The following DCC variants were observed in gnomAD, a reference collection of about 807,000 sequenced individuals.
DCC encodes netrin receptor DCC.
DCC carries 58 observed loss-of-function variants against 172.5 expected under a neutral mutation model. That is an observed-to-expected ratio of 0.34 (90% CI 0.27 to 0.42). The LOEUF (loss-of-function observed/expected upper bound fraction) is 0.42. Ranked by LOEUF, DCC falls within the 10% of genes least tolerant of loss-of-function variation. The pLI is 1.00. For synonymous variants in DCC, 709 were observed against 644.5 expected (o/e 1.10, Z -1.52); for missense variants, 1,740 against 1,791.0 (o/e 0.97, Z 0.51).
At chr18:53,106,947 C>T (rs562883931) in intron 7 of DCC, among the ~76,000 whole-genome samples, 11 of 151,818 alleles carry the variant, frequency 7.2e-5, no homozygotes, top group Non-Finnish European at 1.3e-4. Flanking sequence ...CTTTTTAAAG[C>T]GAAACTTATT....
intron 5 of DCC, among the ~76,000 whole-genome samples, chr18:53,037,831 C>T (rs1034849997): frequency 5.3e-5 from 8 of 151,792 alleles, no homozygotes; most frequent in African/African-American, 1.9e-4. Context: ...CTGATGAAAA[C>T]ACTTGAAAGG....
chr18:52,423,439 C>G (rs1013465927), intron 1 of DCC, among the ~76,000 whole-genome samples: 3 of 152,012 alleles, frequency 2.0e-5, no homozygotes, highest in Non-Finnish European at 4.4e-5. Context: ...TTCCTATCCT[C>G]GGGAGGTGAC....
chr18:52,720,433 T>C (rs2036455405), intron 1 of DCC, among the ~76,000 whole-genome samples: 1 of 152,184 alleles, frequency 6.6e-6, no homozygotes, highest in African/African-American at 2.4e-5. Context: ...GCCGTGGTGT[T>C]AGCTAGTTAA....
intron 27 of DCC, among the ~76,000 whole-genome samples, chr18:53,512,680 C>G (rs2046272305): frequency 6.6e-6 from 1 of 151,736 alleles, no homozygotes; most frequent in Non-Finnish European, 1.5e-5. Flanking sequence ...GCCTCAGGAG[C>G]CGATGCAATC....
At chr18:52,372,381 G>A (rs1282666114) in intron 1 of DCC, among the ~76,000 whole-genome samples, 2 of 152,158 alleles carry the variant, frequency 1.3e-5, no homozygotes, top group African/African-American at 2.4e-5. Flanking sequence ...TGCATTGGCT[G>A]GTTATGAGGA....
chr18:52,885,825 A>G (rs1052288632), intron 2 of DCC, among the ~76,000 whole-genome samples: 2 of 152,050 alleles, frequency 1.3e-5, no homozygotes, highest in Admixed American at 6.5e-5. Flanking sequence ...CTAACTTGAC[A>G]TCACTGTTGG....
chr18:52,872,898 G>A (rs1436591678), intron 2 of DCC, among the ~76,000 whole-genome samples: 34 of 152,024 alleles, frequency 2.2e-4, no homozygotes. Flanking sequence ...CCCTCCTCTG[G>A]TCACTTCAAG....
At chr18:52,906,546 AAC>A (rs2039885557) in intron 3 of DCC, among the ~76,000 whole-genome samples, 4 of 151,390 alleles carry the variant, frequency 2.6e-5, no homozygotes, top group African/African-American at 9.7e-5. Context: ...TTTCTGGAAA[AAC>A]AGTTATCTCT....
intron 1 of DCC, among the ~76,000 whole-genome samples, chr18:52,400,792 A>G (rs1017550960): frequency 6.6e-6 from 1 of 152,090 alleles, no homozygotes; most frequent in African/African-American, 2.4e-5. Context: ...TGTCCTTTGC[A>G]GGGACATGGA....
intron 2 of DCC, among the ~76,000 whole-genome samples, chr18:52,883,096 G>T (rs977358382): frequency 6.6e-6 from 1 of 151,750 alleles, no homozygotes; most frequent in Non-Finnish European, 1.5e-5. Flanking sequence ...GTCTTCATTG[G>T]CATGGGGTAT....
chr18:53,192,510 G>A (rs7233123), intron 9 of DCC, among the ~76,000 whole-genome samples: 57,186 of 151,914 alleles, frequency 0.38, 11,538 homozygotes, highest in Non-Finnish European at 0.45. Context: ...AGCTAGGTGG[G>A]AAACAGAGCA....
intron 14 of DCC, among the ~76,000 whole-genome samples, chr18:53,326,108 T>C (rs1420501101): frequency 1.3e-5 from 2 of 152,182 alleles, no homozygotes; most frequent in Non-Finnish European, 2.9e-5. Context: ...AAATATCAAC[T>C]TTTTTCTCAT....
intron 11 of DCC, 66 bp downstream of exon 11, chr18:53,207,883 T>C: frequency 7.2e-7 from 1 of 1,387,422 alleles, no homozygotes; most frequent in Non-Finnish European, 1.0e-6. Flanking sequence ...TGACATGATA[T>C]TGCACATATA....
intron 3 of DCC, 31 bp downstream of exon 3, chr18:52,906,359 T>A (rs771571707): frequency 6.2e-7 from 1 of 1,609,746 alleles, no homozygotes; most frequent in Non-Finnish European, 8.5e-7. Context: ...GCCTTCAGAA[T>A]GATATTCTCT....
intron 12 of DCC, among the ~76,000 whole-genome samples, chr18:53,263,194 TG>T (rs2056626414): frequency 6.6e-6 from 1 of 152,206 alleles, no homozygotes; most frequent in Non-Finnish European, 1.5e-5. Context: ...CCCTGTCATC[TG>T]AGCTGGAGTG....
intron 1 of DCC, among the ~76,000 whole-genome samples, chr18:52,356,330 T>C (rs1336031668): frequency 6.6e-6 from 1 of 152,140 alleles, no homozygotes; most frequent in Non-Finnish European, 1.5e-5. Context: ...GAAATTAATG[T>C]TTTCATCTTT....
intron 1 of DCC, among the ~76,000 whole-genome samples, chr18:52,726,540 TC>T (rs1347184721): frequency 1.3e-5 from 2 of 152,148 alleles, no homozygotes; most frequent in Non-Finnish European, 2.9e-5. Flanking sequence ...TTTATATACT[TC>T]TCCCTTCCTT....
At chr18:53,142,849 T>G (rs2043851236) in intron 7 of DCC, among the ~76,000 whole-genome samples, 2 of 152,214 alleles carry the variant, frequency 1.3e-5, no homozygotes, top group South Asian at 2.1e-4. Context: ...TCCTTGCATT[T>G]ATTTGTGATG....
intron 2 of DCC, among the ~76,000 whole-genome samples, chr18:52,862,466 G>A (rs564452446): frequency 6.6e-6 from 1 of 152,088 alleles, no homozygotes; most frequent in Non-Finnish European, 1.5e-5. Context: ...ACTTTGGGAG[G>A]CTGAGGCAGG....
Sources: gnomAD v4.1 joint callset for allele counts (sites outside exome capture counted in the v4.1 genomes callset) on GRCh38, gnomAD v4.1.1 for gene constraint, MANE v1.5 for transcripts, NCBI Gene and HGNC (gene_info 2026-07-23, HGNC 2026-07-21) for gene names.